Variants in ASNSD1 observed in about 807,000 individuals in gnomAD.
ASNSD1 encodes asparagine synthetase domain-containing protein 1.
In ASNSD1, 36 loss-of-function variants were observed where a neutral mutation model predicts 48.3. That is an observed-to-expected ratio of 0.75 (90% CI 0.57 to 0.99). ASNSD1 has a LOEUF of 0.99. ASNSD1 is among the 50% of genes least tolerant of loss of function. The pLI, the probability that ASNSD1 is intolerant of heterozygous loss-of-function variation, is 0.00. For synonymous variants in ASNSD1, 257 were observed against 262.1 expected (o/e 0.98, Z 0.19); for missense variants, 714 against 758.2 (o/e 0.94, Z 0.69).
Position 189,666,197 on chromosome 2 carries a change from A to G in ASNSD1, c.65A>G (p.Asp22Gly). Residue 22 changes from aspartate to glycine, a missense_variant, in exon 4 of 6, where the codon GAC (aspartate) becomes GGC (glycine). Coordinates refer to ENST00000260952, the MANE Select transcript of ASNSD1 (RefSeq NM_019048.4). Reference sequence around the variant, plus strand: ...CATTTCAGTCAAGATTTAAAAGAGGACTTACTATATAATCTTAAACAGCGG... The same window carrying G: ...CATTTCAGTCAAGATTTAAAAGAGGGCTTACTATATAATCTTAAACAGCGG... The part of the protein sequence containing the change: ...AEHFSQDLKE[D>G]LLYNLKQRGP... The G allele has an allele frequency of 6.2e-7, 1 of 1,610,568 alleles. No individual in the cohort carries two copies. Among genetic ancestry groups the G allele is most frequent in the Admixed American group, 1.7e-5 (1 of 59,256 alleles).
rs2032820653 is a variant in ASNSD1, at chr2:189,666,956, C to G, written c.824C>G (p.Thr275Ser). The G allele has an allele frequency of 6.2e-7, 1 of 1,614,132 alleles. No homozygotes were observed. Among genetic ancestry groups the G allele is most frequent in the African/African-American group, 1.3e-5 (1 of 75,038 alleles). ...PTREILQVFL[T>S]DVHMKEVIQQ... ...AGAGAGATACTTCAAGTCTTTCTTA[C>G]TGATGTACACATGAAGGAAGTAATT... is the stretch of plus-strand genomic sequence containing the variant. The change falls in exon 4 of 6, where the codon ACT becomes AGT. Residue 275 changes from threonine to serine, a missense_variant. By Grantham distance (58) the Thr-to-Ser change is moderately conservative. Transcript: ENST00000260952.
intron 1 of ASNSD1, among the ~76,000 whole-genome samples, chr2:189,662,790 T>C (rs931377917): frequency 2.0e-5 from 3 of 151,726 alleles, no homozygotes; most frequent in African/African-American, 7.3e-5. Flanking sequence ...CCCCTACAAA[T>C]AAATGAAGCC....
chr2:189,665,614 A>ATATACATATATATATATG (rs2032777589), intron 3 of ASNSD1, among the ~76,000 whole-genome samples, 163 bp downstream of exon 3: 1 of 95,636 alleles, frequency 1.0e-5, no homozygotes, highest in African/African-American at 4.1e-5. Context: ...ATATATATAT[A>ATATACATATATATATATG]TATATATATA....
Position 189,666,960 on chromosome 2 carries a change from T to A in ASNSD1, c.828T>A (p.Asp276Glu). 1 of 1,614,168 alleles carries A rather than the reference T, an allele frequency of 6.2e-7. No individual in the cohort carries two copies. The highest frequency in any genetic ancestry group is 2.2e-5 in the East Asian group (1 of 44,880). Residue 276 changes from aspartate to glutamate, a missense_variant, in exon 4 of 6, where the codon GAT becomes GAA. Asp to Glu is a conservative substitution (Grantham distance 45). Transcript: ENST00000260952. ...AGATACTTCAAGTCTTTCTTACTGA[T>A]GTACACATGAAGGAAGTAATTCAGC... ...TREILQVFLT[D>E]VHMKEVIQQF...
chr2:189,663,799 GCCCCTTATC>G (rs1200116825), intron 1 of ASNSD1, 93 bp from the exon 2 acceptor site: 6 of 347,734 alleles, frequency 1.7e-5, no homozygotes, highest in Non-Finnish European at 3.1e-5. Flanking sequence ...GTACATCATA[GCCCCTTATC>G]CCATCTCTAA....
chr2:189,666,131 C>T lies in ASNSD1; in HGVS notation c.-2C>T. The T allele has an allele frequency of 6.5e-7, 1 of 1,542,222 alleles. No homozygotes were observed. Among genetic ancestry groups the T allele is most frequent in the South Asian group, 1.3e-5 (1 of 77,630 alleles). On this transcript the variant is annotated 5_prime_UTR_variant, in exon 4 of 6. Coordinates refer to ENST00000260952, the MANE Select transcript of ASNSD1 (RefSeq NM_019048.4). ...AAATAGTCAACCTGATTTCACATAA[C>T]AATGTGTGGCATTTGTTGTTCTGTA...
In ASNSD1 at chr2:189,667,339, G is replaced by T; in HGVS notation, c.1207G>T (p.Val403Leu). Reference sequence around the variant, plus strand: ...TGACAGTCCTAATAAACATGTCAGTGTACCAGATCGAATCACAGGAAGGGC... The same window carrying T: ...TGACAGTCCTAATAAACATGTCAGTTTACCAGATCGAATCACAGGAAGGGC... The part of the protein sequence containing the change: ...AADSPNKHVS[V>L]PDRITGRAGL... The change falls in exon 4 of 6, where the codon GTA (valine) becomes TTA (leucine). Residue 403 changes from valine to leucine, a missense_variant. Physicochemically the swap from Val to Leu is conservative, Grantham distance 32 (BLOSUM62 1). Coordinates refer to ENST00000260952, the MANE Select transcript of ASNSD1 (RefSeq NM_019048.4). 1 of 1,614,150 alleles carries T rather than the reference G, an allele frequency of 6.2e-7. No individual in the cohort carries two copies. Among genetic ancestry groups the T allele is most frequent in the Non-Finnish European group, 8.5e-7 (1 of 1,180,020 alleles).
In ASNSD1 at chr2:189,667,801, C is replaced by T. The variant is rs931095252; in HGVS notation, c.1502C>T (p.Ala501Val). The T allele has an allele frequency of 1.2e-6, 2 of 1,613,602 alleles. No individual in the cohort carries two copies. The highest frequency in any genetic ancestry group is 4.5e-5 in the East Asian group (2 of 44,880). Residue 501 changes from alanine (A) to valine (V), a missense_variant, in exon 5 of 6, where the codon GCA becomes GTA. Ala to Val is a moderately conservative substitution (Grantham distance 64). Transcript: ENST00000260952. ...LTGIGADEQL[A>V]GYSRHRVRFQ... ...GGAATTGGTGCAGATGAGCAACTTGCAGGTTATTCTCGTCATCGTGTCCGC... is the reference window on the plus strand; with the variant it reads ...GGAATTGGTGCAGATGAGCAACTTGTAGGTTATTCTCGTCATCGTGTCCGC...
Position 189,666,886 on chromosome 2 carries a change from G to A in ASNSD1, c.754G>A (p.Ala252Thr). ...TTTAAATATGATGTTGCCACAAGCT[G>A]CATTGGAGACTCATTGCAGTAATAT... ...VPLNMMLPQAALETHCSNISN... is the reference protein window; with the variant it reads ...VPLNMMLPQATLETHCSNISN... The change falls in exon 4 of 6, where the codon GCA (alanine) becomes ACA (threonine). Residue 252 changes from alanine (A) to threonine (T), a missense_variant. By Grantham distance (58) the Ala-to-Thr change is moderately conservative (BLOSUM62 0). Coordinates refer to ENST00000260952, the MANE Select transcript of ASNSD1 (RefSeq NM_019048.4). 1 of 1,614,008 alleles carries A rather than the reference G, an allele frequency of 6.2e-7. No individual in the cohort carries two copies. Among genetic ancestry groups the A allele is most frequent in the South Asian group, 1.1e-5 (1 of 91,056 alleles).
intron 5 of ASNSD1, 123 bp downstream of exon 5, chr2:189,668,068 C>T (rs2105688593): frequency 3.2e-6 from 3 of 928,754 alleles, no homozygotes; most frequent in Middle Eastern, 3.5e-4. Flanking sequence ...GCAATAATAG[C>T]TTGGCTTTGT....
chr2:189,666,153 T>C lies in ASNSD1; in HGVS notation c.21T>C (p.Ser7=), dbSNP rs138559668. 5.7e-6 allele frequency: 9 copies of C among 1,581,512 alleles called. No individual in the cohort carries two copies. The highest frequency in any genetic ancestry group is 2.7e-5 in the African/African-American group (2 of 73,656). MCGICC[S]VNFSAEHFSQ... ...TAACAATGTGTGGCATTTGTTGTTCTGTAAACTTTTCTGCTGAGCATTTCA... is the reference window on the plus strand; with the variant it reads ...TAACAATGTGTGGCATTTGTTGTTCCGTAAACTTTTCTGCTGAGCATTTCA... The change falls in exon 4 of 6, where the codon TCT becomes TCC. Residue 7 remains serine (S), a synonymous_variant. Transcript: ENST00000260952.
rs992008348 is a variant in ASNSD1, at chr2:189,661,523, G to T, written c.-310G>T. On this transcript the variant is annotated 5_prime_UTR_variant, in exon 1 of 6. It removes an upstream start codon present in the reference 5' UTR. Coordinates refer to ENST00000260952, the MANE Select transcript of ASNSD1 (RefSeq NM_019048.4). Reference sequence around the variant, plus strand: ...CGCGTGTCTTGCGCTCGGTGGAAATGCCCAGCCGAGGGACGCGACCAGAGG... The same window carrying T: ...CGCGTGTCTTGCGCTCGGTGGAAATTCCCAGCCGAGGGACGCGACCAGAGG... 2 of 399,252 alleles carry T rather than the reference G, an allele frequency of 5.0e-6. No individual in the cohort carries two copies. Among genetic ancestry groups the T allele is most frequent in the Non-Finnish European group, 8.8e-6 (2 of 226,222 alleles). The allele number at this position is 399,252 out of a possible 1,614,324, so 24.7% of individuals were successfully genotyped here.
At chr2:189,665,158 C>T (rs988234692) in intron 2 of ASNSD1, among the ~76,000 whole-genome samples, 1 of 151,996 alleles carries the variant, frequency 6.6e-6, no homozygotes, top group African/African-American at 2.4e-5. Flanking sequence ...ACAGTAAGAA[C>T]CTTTTTTGTT....
Position 189,670,724 on chromosome 2 carries a change from T to C in ASNSD1, c.1930T>C (p.Ter644GlnextTer17), listed in dbSNP as rs537057876. 8 of 1,566,574 alleles carry C rather than the reference T, an allele frequency of 5.1e-6. No homozygotes were observed. The African/African-American group carries it at 8.2e-5, about 16-fold the overall frequency. Reference protein sequence around the residue: ...NLSIEKETKL* With the variant: ...NLSIEKETKLQ ...TTCTATTGAAAAGGAGACTAAATTGTAATGTGATTCACAATGTAACAATAT... is the reference window on the plus strand; with the variant it reads ...TTCTATTGAAAAGGAGACTAAATTGCAATGTGATTCACAATGTAACAATAT... Residue 644 changes from the stop codon to glutamine, a stop_lost, in exon 6 of 6, where the codon TAA (stop) becomes CAA (glutamine). Coordinates refer to ENST00000260952, the MANE Select transcript of ASNSD1 (RefSeq NM_019048.4).
rs1233932845 is a variant in ASNSD1 at position 189,665,596 on chromosome 2, GTGTATATATATATATATATATATATATA to G, written c.-93+147_-93+174del. ...GATGAGTCAACAGTTATATATATAT[GTGTATATATATATATATATATATATATA>G]TATATATATATATATATATATATTA... On this transcript the variant is annotated intron_variant, in intron 3 of 5. Transcript: ENST00000260952. 1.1e-3 allele frequency: 124 copies of G among 111,596 alleles called. 5 individuals carry two copies. The Middle Eastern group carries it at 0.013, about 11-fold the overall frequency. The allele number at this position is 111,596 out of a possible 1,614,324, so 6.9% of individuals were successfully genotyped here.
chr2:189,667,944 A>T lies in ASNSD1; in HGVS notation c.1645A>T (p.Arg549Ter), dbSNP rs2032851670. The change falls in exon 5 of 6, where the codon AGA becomes TGA. Residue 549 changes from arginine to a stop codon, truncating the protein, a stop_gained and splice_region_variant. Coordinates refer to ENST00000260952, the MANE Select transcript of ASNSD1 (RefSeq NM_019048.4). LOFTEE classifies it high-confidence loss of function. ...TATTGGTGATCATGGAAAAGAAGCA[A>T]GGTAATTCTAATCATTTGAGTGTTC... is the stretch of plus-strand genomic sequence containing the variant. The part of the protein sequence containing the change: ...RVIGDHGKEA[R>*]FPFLDENVVS... The T allele has an allele frequency of 3.1e-6, 5 of 1,606,584 alleles. No homozygotes were observed. Among genetic ancestry groups the T allele is most frequent in the Non-Finnish European group, 4.2e-6 (5 of 1,177,186 alleles).
chr2:189,670,208 A>AAG (rs61447366), intron 5 of ASNSD1, among the ~76,000 whole-genome samples: 1 of 151,686 alleles, frequency 6.6e-6, no homozygotes, highest in Non-Finnish European at 1.5e-5. Context: ...AAAAAAAAAA[A>AAG]TCATGTTTGT....
chr2:189,665,946 A>G (rs2032791583), intron 3 of ASNSD1, 95 bp from the exon 4 acceptor site: 1 of 540,528 alleles, frequency 1.9e-6, no homozygotes, highest in African/African-American at 1.9e-5. Flanking sequence ...ATATGGTTTG[A>G]TTTTGGTAAA....
At chr2:189,670,084 G>A (rs1230756385) in intron 5 of ASNSD1, among the ~76,000 whole-genome samples, 2 of 151,944 alleles carry the variant, frequency 1.3e-5, no homozygotes, top group African/African-American at 4.8e-5. Flanking sequence ...CAAAGCAGGT[G>A]GGTCACTTGA....
Sources: allele counts gnomAD v4.1 joint callset (sites outside exome capture counted in the v4.1 genomes callset), GRCh38; gene constraint gnomAD v4.1.1; transcripts MANE v1.5; gene names NCBI Gene and HGNC (gene_info 2026-07-23, HGNC 2026-07-21).